Variants in FILIP1 observed in about 807,000 individuals in gnomAD.
FILIP1 encodes filamin A interacting protein 1, also known as filamin-A-interacting protein 1.
A neutral mutation model predicts 102.1 loss-of-function variants in FILIP1; 61 were observed. The ratio of observed to expected loss-of-function variants is 0.60; its 90% CI spans 0.49 to 0.74. The LOEUF is 0.74. FILIP1 is among the 30% of genes least tolerant of loss of function. The pLI is 0.00. For synonymous variants in FILIP1, 491 were observed against 526.9 expected (o/e 0.93, Z 0.93); for missense variants, 1,314 against 1,441.2 (o/e 0.91, Z 1.43).
chr6:75,454,424 C>T (rs923867930), intron 1 of FILIP1, among the ~76,000 whole-genome samples: 6 of 152,132 alleles, frequency 3.9e-5, no homozygotes, highest in Non-Finnish European at 5.9e-5. Flanking sequence ...TTAGATTGGG[C>T]CCACTTGGAC....
chr6:75,346,968 T>A (rs1295606852), intron 4 of FILIP1, among the ~76,000 whole-genome samples: 1 of 150,872 alleles, frequency 6.6e-6, no homozygotes, highest in Non-Finnish European at 1.5e-5. Flanking sequence ...ATTTCCTTCA[T>A]CAGTGGGATA....
chr6:75,316,077 A>G (rs1448285460), intron 4 of FILIP1, among the ~76,000 whole-genome samples: 3 of 152,214 alleles, frequency 2.0e-5, no homozygotes, highest in Non-Finnish European at 4.4e-5. Context: ...AAAATGTGGC[A>G]GCCACAGGAA....
intron 1 of FILIP1, among the ~76,000 whole-genome samples, chr6:75,477,301 GT>G (rs1270834122): frequency 2.0e-5 from 3 of 152,110 alleles, no homozygotes; most frequent in Non-Finnish European, 4.4e-5. Context: ...AATGGGAGTT[GT>G]TGATTAAAGG....
chr6:75,358,611 A>C (rs1258497879), intron 3 of FILIP1: 1 of 152,232 alleles, frequency 6.6e-6, no homozygotes. Context: ...TAAGAATCGA[A>C]ATCTGGGAAG....
chr6:75,387,405 C>T (rs1168106843), intron 2 of FILIP1, among the ~76,000 whole-genome samples: 2 of 152,102 alleles, frequency 1.3e-5, no homozygotes, highest in Non-Finnish European at 2.9e-5. Context: ...GGTATACACC[C>T]AGTAATGGCA....
chr6:75,294,492 T>C (rs1772618031), exon 7 of FILIP1: 2 of 152,182 alleles, frequency 1.3e-5, no homozygotes, highest in Non-Finnish European at 2.9e-5. Flanking sequence ...GATGCACATT[T>C]TCACATAAAC....
intron 3 of FILIP1, among the ~76,000 whole-genome samples, chr6:75,355,391 ATTT>A (rs397885759): frequency 6.1e-5 from 8 of 131,308 alleles, no homozygotes; most frequent in Admixed American, 7.8e-5. Flanking sequence ...AGGTTATAAG[ATTT>A]TTTTTTTTTT....
At chr6:75,330,867 C>T (rs1288641584) in intron 4 of FILIP1, among the ~76,000 whole-genome samples, 2 of 152,062 alleles carry the variant, frequency 1.3e-5, no homozygotes, top group Non-Finnish European at 2.9e-5. Context: ...AAATTATAAA[C>T]TAAGGACCTG....
intron 1 of FILIP1, among the ~76,000 whole-genome samples, chr6:75,425,632 C>T (rs1777602100): frequency 6.6e-6 from 1 of 152,094 alleles, no homozygotes; most frequent in Non-Finnish European, 1.5e-5. Flanking sequence ...CCCAAGGAAT[C>T]AAAGGAGCTG....
At chr6:75,390,869 A>T (rs1217043474) in intron 2 of FILIP1, among the ~76,000 whole-genome samples, 4 of 151,796 alleles carry the variant, frequency 2.6e-5, no homozygotes, top group African/African-American at 7.3e-5. Context: ...ACTTTTGCCA[A>T]TTTTTTTGTG....
At chr6:75,429,345 A>G (rs1777740930) in intron 1 of FILIP1, among the ~76,000 whole-genome samples, 1 of 152,160 alleles carries the variant, frequency 6.6e-6, no homozygotes, top group African/African-American at 2.4e-5. Context: ...TAGGGTGGTC[A>G]AAGAAACGTC....
intron 1 of FILIP1, among the ~76,000 whole-genome samples, chr6:75,463,466 C>T (rs923225346): frequency 5.3e-5 from 8 of 152,172 alleles, no homozygotes; most frequent in African/African-American, 1.9e-4. Flanking sequence ...TTTTCTTTTA[C>T]ATAAATATCC....
chr6:75,489,110 C>T (rs554658806), intron 1 of FILIP1, among the ~76,000 whole-genome samples: 3 of 152,042 alleles, frequency 2.0e-5, no homozygotes, highest in Non-Finnish European at 4.4e-5. Flanking sequence ...CTGTACATTA[C>T]CCAGTATAGT....
chr6:75,358,220 A>T (rs1250689670), intron 3 of FILIP1: 1 of 152,210 alleles, frequency 6.6e-6, no homozygotes, highest in African/African-American at 2.4e-5. Context: ...TAACTCTGTT[A>T]CCTGCAAAGG....
chr6:75,431,504 A>G (rs1777821710), intron 1 of FILIP1, among the ~76,000 whole-genome samples: 1 of 152,154 alleles, frequency 6.6e-6, no homozygotes, highest in African/African-American at 2.4e-5. Context: ...GTATACTAGC[A>G]TGACTCACCA....
At chr6:75,326,664 C>A (rs1348147937) in intron 4 of FILIP1, among the ~76,000 whole-genome samples, 1 of 152,106 alleles carries the variant, frequency 6.6e-6, no homozygotes. Context: ...CAATACTATA[C>A]CATTTTATAA....
At chr6:75,425,505 C>A (rs1248570438) in intron 1 of FILIP1, among the ~76,000 whole-genome samples, 1 of 151,860 alleles carries the variant, frequency 6.6e-6, no homozygotes, top group South Asian at 2.1e-4. Context: ...GCCACCCTAC[C>A]TCAGCACACA....
intron 2 of FILIP1, among the ~76,000 whole-genome samples, chr6:75,388,240 A>G (rs980818912): frequency 1.3e-5 from 2 of 151,992 alleles, no homozygotes; most frequent in African/African-American, 2.4e-5. Context: ...CATTGTCTAT[A>G]TATCTTTTTT....
intron 1 of FILIP1, among the ~76,000 whole-genome samples, chr6:75,417,709 T>C (rs1299928651): frequency 6.6e-6 from 1 of 152,220 alleles, no homozygotes; most frequent in African/African-American, 2.4e-5. Flanking sequence ...TAGATGAAGC[T>C]ACTGAGGTTT....
Sources: gnomAD v4.1 joint callset for allele counts (sites outside exome capture counted in the v4.1 genomes callset) on GRCh38, gnomAD v4.1.1 for gene constraint, MANE v1.5 for transcripts, NCBI Gene and HGNC (gene_info 2026-07-23, HGNC 2026-07-21) for gene names.